The following PIGK variants were observed in gnomAD, a reference collection of about 807,000 sequenced individuals.
PIGK encodes GPI-anchor transamidase.
In PIGK, 42 loss-of-function variants were observed where a neutral mutation model predicts 50.6. The ratio of observed to expected loss-of-function variants is 0.83; its 90% CI spans 0.65 to 1.07. PIGK has a LOEUF of 1.07. PIGK is among the 50% of genes least tolerant of loss of function. The pLI, the probability that PIGK is intolerant of heterozygous loss-of-function variation, is 0.00. For missense variants in PIGK, 448 were observed against 488.7 expected (o/e 0.92, Z 0.78); for synonymous variants, 151 against 156.0 (o/e 0.97, Z 0.24).
chr1:77,207,606 AGAATTATATTAAAGG>A (rs1437067476), intron 2 of PIGK, among the ~76,000 whole-genome samples: 4 of 152,206 alleles, frequency 2.6e-5, no homozygotes, highest in African/African-American at 9.6e-5. Context: ...AAAATTCCTG[AGAATTATATTAAAGG>A]TGCTAGGAAA....
At chr1:77,100,210 T>C (rs1372235543) in intron 10 of PIGK, among the ~76,000 whole-genome samples, 1 of 152,214 alleles carries the variant, frequency 6.6e-6, no homozygotes, top group Non-Finnish European at 1.5e-5. Context: ...TTCAATGAGA[T>C]TCTTAAATGT....
At position 77,091,553 on chromosome 1, in the gene PIGK, G is replaced by A. The variant is rs1193450603; in HGVS notation, c.*821C>T. ...ACGTGACCAATTGTAGAAGATCACA[G>A]AACGCTTACAAATGAAAAACAATGG... On this transcript the variant is annotated 3_prime_UTR_variant, in exon 11 of 11. Coordinates refer to ENST00000370812, the MANE Select transcript of PIGK (RefSeq NM_005482.3). 6.6e-6 allele frequency: 1 copy of A among 152,164 alleles called. No homozygotes were observed. Among genetic ancestry groups the A allele is most frequent in the East Asian group, 1.9e-4 (1 of 5,190 alleles). The allele number at this position is 152,164 out of a possible 1,614,324, so 9.4% of individuals were successfully genotyped here.
chr1:77,119,110 C>T (rs1038959275), intron 10 of PIGK, among the ~76,000 whole-genome samples: 3 of 152,148 alleles, frequency 2.0e-5, no homozygotes, highest in Non-Finnish European at 4.4e-5. Context: ...CCGGTAAAAC[C>T]AGTGCCTCTC....
chr1:77,116,340 C>T lies in PIGK; in HGVS notation c.1071+5935G>A, dbSNP rs528711510. On this transcript the variant is annotated intron_variant, in intron 10 of 10. Coordinates refer to ENST00000370812, the MANE Select transcript of PIGK (RefSeq NM_005482.3). ...CTGGGACTACAGGCGCCCACCACCA[C>T]GCCCGGCTAATTTTTTTTGTGTTTT... Among the ~76,000 whole-genome samples, 11 of 152,086 alleles carry T rather than the reference C, an allele frequency of 7.2e-5. No individual in the cohort carries two copies. In the East Asian group the frequency reaches 9.7e-4, roughly 13 times the overall value.
At chr1:77,180,990 C>T (rs964773285) in intron 3 of PIGK, among the ~76,000 whole-genome samples, 3 of 152,066 alleles carry the variant, frequency 2.0e-5, no homozygotes, top group African/African-American at 7.2e-5. Flanking sequence ...AAGAAAACTG[C>T]TAATATTTTC....
At chr1:77,126,296 G>A (rs1654228778) in intron 9 of PIGK, among the ~76,000 whole-genome samples, 2 of 152,142 alleles carry the variant, frequency 1.3e-5, no homozygotes, top group Admixed American at 1.3e-4. Flanking sequence ...CTTTGTAAAG[G>A]TGCTGGCTTC....
chr1:77,160,578 C>T (rs192693210), intron 8 of PIGK, among the ~76,000 whole-genome samples: 28 of 152,234 alleles, frequency 1.8e-4, no homozygotes, highest in South Asian at 4.1e-4. Flanking sequence ...ACTCAAGAAA[C>T]ATTTATGAAA....
chr1:77,151,267 T>C (rs1258927249), intron 9 of PIGK, among the ~76,000 whole-genome samples: 1 of 152,196 alleles, frequency 6.6e-6, no homozygotes, highest in Non-Finnish European at 1.5e-5. Flanking sequence ...TTTCAACAGA[T>C]GCTGAAAAAG....
intron 10 of PIGK, among the ~76,000 whole-genome samples, chr1:77,099,902 G>A (rs1653504252): frequency 6.6e-6 from 1 of 152,058 alleles, no homozygotes; most frequent in Non-Finnish European, 1.5e-5. Context: ...AAGGTGAAAA[G>A]CGTACATAAA....
At chr1:77,171,416 AAC>A (rs1410186062) in intron 3 of PIGK, among the ~76,000 whole-genome samples, 13 of 137,728 alleles carry the variant, frequency 9.4e-5, no homozygotes, top group African/African-American at 3.4e-4. Flanking sequence ...CAGCCTGGGC[AAC>A]AGAGCAAGAC....
intron 9 of PIGK, among the ~76,000 whole-genome samples, chr1:77,146,593 C>T (rs560961476): frequency 3.9e-5 from 6 of 152,162 alleles, no homozygotes; most frequent in African/African-American, 9.6e-5. Flanking sequence ...CTCAGGAGTT[C>T]GAGGCCAGCC....
chr1:77,109,337 T>G (rs1259144020), intron 10 of PIGK, among the ~76,000 whole-genome samples: 1 of 152,068 alleles, frequency 6.6e-6, no homozygotes, highest in Non-Finnish European at 1.5e-5. Flanking sequence ...TATCCCTGAT[T>G]AACATCAATG....
intron 3 of PIGK, among the ~76,000 whole-genome samples, chr1:77,200,166 T>G (rs1236463780): frequency 6.6e-6 from 1 of 152,040 alleles, no homozygotes; most frequent in Non-Finnish European, 1.5e-5. Flanking sequence ...AACAGTTATG[T>G]GTAGGATGAG....
At chr1:77,197,958 C>T (rs1332350613) in intron 3 of PIGK, among the ~76,000 whole-genome samples, 1 of 152,086 alleles carries the variant, frequency 6.6e-6, no homozygotes, top group Non-Finnish European at 1.5e-5. Context: ...CCAATAGGTT[C>T]ACCTTATTAG....
chr1:77,155,715 A>G (rs1161974807), intron 8 of PIGK, among the ~76,000 whole-genome samples: 1 of 152,118 alleles, frequency 6.6e-6, no homozygotes, highest in African/African-American at 2.4e-5. Flanking sequence ...CTGAAGCATG[A>G]GAGATATGAG....
At position 77,090,215 on chromosome 1, in the gene PIGK, G is replaced by A. The variant is rs754580086; in HGVS notation, c.*2159C>T. On this transcript the variant is annotated 3_prime_UTR_variant, in exon 11 of 11. Coordinates refer to ENST00000370812, the MANE Select transcript of PIGK (RefSeq NM_005482.3). ...TGTGACTCAAGTAGAATATATTTAA[G>A]GATTTGTTTTTATGATACTGTTTAA... 15 of 152,140 alleles carry A rather than the reference G, an allele frequency of 9.9e-5. No individual in the cohort carries two copies. The highest frequency in any genetic ancestry group is 1.8e-4 in the Non-Finnish European group (12 of 68,004). 9.4% of individuals were successfully genotyped at this position (152,140 alleles called of 1,614,324 possible).
At chr1:77,106,526 T>C (rs180972067) in intron 10 of PIGK, among the ~76,000 whole-genome samples, 41 of 152,334 alleles carry the variant, frequency 2.7e-4, no homozygotes, top group African/African-American at 8.9e-4. Context: ...ATGGTAATCA[T>C]ACAAATGTTT....
intron 1 of PIGK, among the ~76,000 whole-genome samples, chr1:77,213,051 A>G (rs1220049202): frequency 6.6e-6 from 1 of 152,166 alleles, no homozygotes; most frequent in Admixed American, 6.6e-5. Flanking sequence ...CAGCCTCCCG[A>G]GGAGCTGGGA....
chr1:77,116,597 C>T (rs12057478), intron 10 of PIGK, among the ~76,000 whole-genome samples: 1,895 of 49,286 alleles, frequency 0.038, 48 homozygotes, highest in African/African-American at 0.21. Flanking sequence ...TGTGTGTGTG[C>T]GCGTGTGTGT....
Sources: gnomAD v4.1 joint callset for allele counts (sites outside exome capture counted in the v4.1 genomes callset) on GRCh38, gnomAD v4.1.1 for gene constraint, MANE v1.5 for transcripts, NCBI Gene and HGNC (gene_info 2026-07-23, HGNC 2026-07-21) for gene names.